Variants in PGCKA1 observed in about 807,000 individuals in gnomAD.
PGCKA1 encodes the protein PDCD10 and GCKIII kinases associated 1.
At chr4:37,563,300 A>C in the PGCKA1 span, among the ~76,000 whole-genome samples, 5,717 of 152,292 alleles carry the variant, frequency 0.038, 276 homozygotes, top group East Asian at 0.14. Flanking sequence ...AAGATCAAGA[A>C]GTCGGCAAAT....
the PGCKA1 span, among the ~76,000 whole-genome samples, chr4:37,551,540 T>C: frequency 1.3e-5 from 2 of 152,222 alleles, no homozygotes; most frequent in Non-Finnish European, 2.9e-5. Flanking sequence ...TCAAAATAGA[T>C]TGGCTCTCGA....
the PGCKA1 span, among the ~76,000 whole-genome samples, chr4:37,534,676 C>A: frequency 3.3e-4 from 50 of 152,316 alleles, 1 homozygote; most frequent in Middle Eastern, 3.4e-3. Context: ...TGCTGTCACC[C>A]ATAAATGGTG....
chr4:37,586,001 A>C, the PGCKA1 span, among the ~76,000 whole-genome samples: 2 of 151,416 alleles, frequency 1.3e-5, no homozygotes, highest in Non-Finnish European at 2.9e-5. Context: ...CAACTAGATT[A>C]TATCTTTCTT....
the PGCKA1 span, among the ~76,000 whole-genome samples, chr4:37,548,262 T>G: frequency 2.6e-5 from 4 of 152,134 alleles, no homozygotes; most frequent in African/African-American, 4.8e-5. Flanking sequence ...ACAGTTTATG[T>G]GCAAGGTGTA....
At chr4:37,585,376 G>A in the PGCKA1 span, among the ~76,000 whole-genome samples, 2 of 32,386 alleles carry the variant, frequency 6.2e-5, no homozygotes, top group African/African-American at 1.9e-4. Flanking sequence ...GAGAGGAGAG[G>A]TGTTGAGGGA....
At chr4:37,590,281 C>T in the PGCKA1 span, 8 of 1,614,050 alleles carry the variant, frequency 5.0e-6, no homozygotes, top group East Asian at 1.6e-4. Flanking sequence ...TCCATGGGAG[C>T]CCTGCTGGCC....
At chr4:37,586,962 C>G in the PGCKA1 span, among the ~76,000 whole-genome samples, 1 of 152,094 alleles carries the variant, frequency 6.6e-6, no homozygotes, top group Non-Finnish European at 1.5e-5. Flanking sequence ...TCTCCCAGTT[C>G]TAGAGACCAG....
chr4:37,498,278 T>C, the PGCKA1 span, among the ~76,000 whole-genome samples: 1 of 152,236 alleles, frequency 6.6e-6, no homozygotes, highest in East Asian at 1.9e-4. Context: ...GTGCCTGTTT[T>C]TATACCAGTA....
chr4:37,506,981 T>C, the PGCKA1 span, among the ~76,000 whole-genome samples: 1 of 152,108 alleles, frequency 6.6e-6, no homozygotes, highest in Non-Finnish European at 1.5e-5. Flanking sequence ...TGCATATATA[T>C]TTATAATTAC....
At chr4:37,523,363 A>C in the PGCKA1 span, among the ~76,000 whole-genome samples, 1 of 151,856 alleles carries the variant, frequency 6.6e-6, no homozygotes. Context: ...GGAGTGAGAG[A>C]AGGGTGGTGT....
chr4:37,516,041 T>C, the PGCKA1 span, among the ~76,000 whole-genome samples: 1 of 152,260 alleles, frequency 6.6e-6, no homozygotes, highest in Non-Finnish European at 1.5e-5. Flanking sequence ...CATAACCAAC[T>C]GATTGTAACA....
the PGCKA1 span, among the ~76,000 whole-genome samples, chr4:37,534,667 G>T: frequency 6.6e-6 from 1 of 152,194 alleles, no homozygotes; most frequent in Admixed American, 6.5e-5. Flanking sequence ...GCGAGGGCTT[G>T]CTGTCACCCA....
chr4:37,550,685 A>G, the PGCKA1 span, among the ~76,000 whole-genome samples: 3 of 152,236 alleles, frequency 2.0e-5, no homozygotes, highest in African/African-American at 7.2e-5. Context: ...TCTATGATGA[A>G]CTAAATGTGC....
chr4:37,536,939 C>G, the PGCKA1 span, among the ~76,000 whole-genome samples: 1 of 152,174 alleles, frequency 6.6e-6, no homozygotes, highest in Non-Finnish European at 1.5e-5. Context: ...TACATGTAGT[C>G]TTAGTCACTG....
chr4:37,566,041 C>T, the PGCKA1 span, among the ~76,000 whole-genome samples: 6,719 of 152,264 alleles, frequency 0.044, 166 homozygotes, highest in Non-Finnish European at 0.052. Context: ...GCTCTCCTTG[C>T]TCCTCAGCTT....
chr4:37,458,974 A>T, the PGCKA1 span, among the ~76,000 whole-genome samples: 2 of 152,206 alleles, frequency 1.3e-5, no homozygotes, highest in Non-Finnish European at 2.9e-5. Flanking sequence ...CAGACATGTT[A>T]GTCTGGATTA....
chr4:37,507,564 A>G, the PGCKA1 span, among the ~76,000 whole-genome samples: 1 of 152,236 alleles, frequency 6.6e-6, no homozygotes, highest in South Asian at 2.1e-4. Flanking sequence ...CCCTAACTCT[A>G]TATTTTAACT....
the PGCKA1 span, among the ~76,000 whole-genome samples, chr4:37,552,968 AC>A: frequency 6.6e-6 from 1 of 152,058 alleles, no homozygotes; most frequent in Non-Finnish European, 1.5e-5. Context: ...GTTCTTTTCT[AC>A]CTTTTTGCTT....
the PGCKA1 span, among the ~76,000 whole-genome samples, chr4:37,512,570 C>G: frequency 6.6e-6 from 1 of 151,366 alleles, no homozygotes. Context: ...AATTCTACCT[C>G]ATCCTCCCGA....
Sources: gnomAD v4.1 joint callset for allele counts (sites outside exome capture counted in the v4.1 genomes callset) on GRCh38, gnomAD v4.1.1 for gene constraint, MANE v1.5 for transcripts, NCBI Gene and HGNC (gene_info 2026-07-23, HGNC 2026-07-21) for gene names.